Variants in CD2AP observed in about 807,000 individuals in gnomAD.
The protein encoded by CD2AP is CD2-associated protein.
In CD2AP, 46 loss-of-function variants were observed where a neutral mutation model predicts 85.1. The observed-to-expected ratio is 0.54, with a 90% CI of 0.43 to 0.69. The LOEUF (loss-of-function observed/expected upper bound fraction) is 0.69, where lower values mean the gene tolerates loss of function less well. Ranked by LOEUF, CD2AP falls within the 30% of genes least tolerant of loss-of-function variation. The pLI is 0.00. For missense variants in CD2AP, 769 were observed against 729.5 expected (o/e 1.05, Z -0.62); for synonymous variants, 255 against 252.9 (o/e 1.01, Z -0.08).
At chr6:47,611,032 T>A (rs1245365165) in intron 16 of CD2AP, among the ~76,000 whole-genome samples, 2 of 146,392 alleles carry the variant, frequency 1.4e-5, no homozygotes, top group Non-Finnish European at 3.0e-5. Context: ...ATTTTCAATA[T>A]CTTGAGTTTC....
intron 4 of CD2AP, among the ~76,000 whole-genome samples, chr6:47,549,215 A>G (rs1453543022): frequency 1.3e-5 from 2 of 152,150 alleles, no homozygotes; most frequent in Non-Finnish European, 2.9e-5. Context: ...CAATTAGACA[A>G]GAGAAAGAAA....
At chr6:47,486,816 G>T (rs1015886763) in intron 1 of CD2AP, among the ~76,000 whole-genome samples, 6 of 152,170 alleles carry the variant, frequency 3.9e-5, no homozygotes, top group African/African-American at 1.4e-4. Context: ...ATAATAAAGG[G>T]CCACAGTGTT....
chr6:47,533,911 A>G lies in CD2AP; in HGVS notation c.319+156A>G, dbSNP rs149512334. Among the ~76,000 whole-genome samples the G allele has an allele frequency of 4.5e-3, 678 of 152,350 alleles. 5 individuals carry two copies. The highest frequency in any genetic ancestry group is 0.015 in the African/African-American group (636 of 41,584). ...TACTAGTTATTGCCCTGTGTAGTCAATCTTAATTTTTAGTCATGTGCAATC... is the reference window on the plus strand; with the variant it reads ...TACTAGTTATTGCCCTGTGTAGTCAGTCTTAATTTTTAGTCATGTGCAATC... On this transcript the variant is annotated intron_variant, in intron 3 of 17. Transcript: ENST00000359314.
At chr6:47,505,011 CTTTTTTTTTTTT>C (rs58060161) in intron 2 of CD2AP, among the ~76,000 whole-genome samples, 30 of 95,110 alleles carry the variant, frequency 3.2e-4, no homozygotes, top group African/African-American at 4.2e-4. Flanking sequence ...GTGGCAGTTT[CTTTTTTTTTTTT>C]TTTTTTTTTT....
intron 11 of CD2AP, among the ~76,000 whole-genome samples, chr6:47,585,024 T>C (rs1768582867): frequency 6.6e-6 from 1 of 152,042 alleles, no homozygotes; most frequent in African/African-American, 2.4e-5. Flanking sequence ...CCGGGCGCGG[T>C]GTCTTACGCC....
intron 9 of CD2AP, 113 bp downstream of exon 9, chr6:47,579,602 G>T: frequency 1.4e-6 from 1 of 702,970 alleles, no homozygotes; most frequent in Non-Finnish European, 2.5e-6. Context: ...AGGAGTTTCA[G>T]ATGTAGCTAT....
chr6:47,543,009 G>C (rs540825657), intron 3 of CD2AP, among the ~76,000 whole-genome samples: 3 of 151,854 alleles, frequency 2.0e-5, no homozygotes, highest in Admixed American at 6.6e-5. Context: ...AAATTAGCTG[G>C]GCGTGGTGGC....
intron 2 of CD2AP, among the ~76,000 whole-genome samples, chr6:47,521,325 G>C (rs1766587464): frequency 6.6e-6 from 1 of 152,190 alleles, no homozygotes; most frequent in Admixed American, 6.5e-5. Context: ...GTCGAGGCGG[G>C]CAGATCACCT....
intron 2 of CD2AP, among the ~76,000 whole-genome samples, chr6:47,518,101 T>C (rs1766499947): frequency 6.6e-6 from 1 of 152,182 alleles, no homozygotes; most frequent in African/African-American, 2.4e-5. Context: ...TGTTTATATG[T>C]GTATATATAC....
Position 47,550,981 on chromosome 6 carries a change from A to G in CD2AP, c.421-3665A>G, listed in dbSNP as rs533134728. Among the ~76,000 whole-genome samples the G allele has an allele frequency of 1.1e-4, 17 of 152,312 alleles. No individual in the cohort carries two copies. In the East Asian group the frequency reaches 3.1e-3, roughly 28 times the overall value. ...CTCACTTGTAAGTGGGAGCTAAGCT[A>G]TGAGGATGCAAAGGCATAAGAATGA... On this transcript the variant is annotated intron_variant, in intron 4 of 17. Transcript: ENST00000359314.
At chr6:47,544,771 T>A (rs777215970) in intron 4 of CD2AP, 65 bp downstream of exon 4, 62 of 978,020 alleles carry the variant, frequency 6.3e-5, no homozygotes, top group Non-Finnish European at 9.7e-5. Flanking sequence ...TTTAGAAAAA[T>A]TAATTGTAAG....
intron 13 of CD2AP, 54 bp from the exon 14 acceptor site, chr6:47,606,111 A>C: frequency 1.1e-6 from 1 of 938,218 alleles, no homozygotes; most frequent in Non-Finnish European, 1.7e-6. Context: ...ATTATTTTTT[A>C]CCTTTAAAAA....
At chr6:47,486,657 A>G (rs1033927890) in intron 1 of CD2AP, among the ~76,000 whole-genome samples, 2 of 152,176 alleles carry the variant, frequency 1.3e-5, no homozygotes, top group Admixed American at 6.5e-5. Context: ...TGATCCTTTC[A>G]GATGTGTACT....
At chr6:47,613,355 T>C (rs1407651570) in intron 17 of CD2AP, among the ~76,000 whole-genome samples, 3 of 152,208 alleles carry the variant, frequency 2.0e-5, no homozygotes, top group African/African-American at 7.2e-5. Context: ...ATAATAAGAA[T>C]TGAAAGTCTA....
chr6:47,599,560 A>G (rs1769061963), intron 13 of CD2AP, 117 bp downstream of exon 13: 1 of 941,484 alleles, frequency 1.1e-6, no homozygotes, highest in Non-Finnish European at 1.6e-6. Context: ...TTGAAATTAC[A>G]CAGTTGAAAT....
At chr6:47,497,195 C>T (rs1406410002) in intron 1 of CD2AP, among the ~76,000 whole-genome samples, 1 of 151,300 alleles carries the variant, frequency 6.6e-6, no homozygotes, top group Non-Finnish European at 1.5e-5. Flanking sequence ...TATATTTTTC[C>T]TTTCCCCTTT....
intron 3 of CD2AP, among the ~76,000 whole-genome samples, chr6:47,534,235 G>A (rs1766967198): frequency 6.6e-6 from 1 of 152,154 alleles, no homozygotes; most frequent in Non-Finnish European, 1.5e-5. Flanking sequence ...AAGAAGGAGA[G>A]CATTACATTT....
At chr6:47,619,369 A>G (rs939487094) in intron 17 of CD2AP, among the ~76,000 whole-genome samples, 1 of 152,222 alleles carries the variant, frequency 6.6e-6, no homozygotes, top group Non-Finnish European at 1.5e-5. Context: ...AATAGTCTCC[A>G]ATTTCATGCA....
chr6:47,610,971 A>ATTT lies in CD2AP; in HGVS notation c.1815-1489_1815-1487dup, dbSNP rs11331165. 1.4e-3 allele frequency among the ~76,000 whole-genome samples: 153 copies of ATTT among 112,850 alleles called. 3 individuals are homozygous for ATTT. The highest frequency in any genetic ancestry group is 1.6e-3 in the Non-Finnish European group (91 of 55,906). The allele number at this position is 112,850 out of a possible 152,430, so 74.0% of individuals were successfully genotyped here. On this transcript the variant is annotated intron_variant, in intron 16 of 17. Coordinates refer to ENST00000359314, the MANE Select transcript of CD2AP (RefSeq NM_012120.3). ...GATTTATATATATATATATATATGTATTTTTTTTTTTTTTTGAATATAAAA... is the reference window on the plus strand; with the variant it reads ...GATTTATATATATATATATATATGTATTTTTTTTTTTTTTTTTTGAATATAAAA...
Sources: gnomAD v4.1 joint callset for allele counts (sites outside exome capture counted in the v4.1 genomes callset) on GRCh38, gnomAD v4.1.1 for gene constraint, MANE v1.5 for transcripts, NCBI Gene and HGNC (gene_info 2026-07-23, HGNC 2026-07-21) for gene names.